Variants in OR4C12 observed in about 807,000 individuals in gnomAD.
The protein encoded by OR4C12 is olfactory receptor family 4 subfamily C member 12.
OR4C12 carries 11 observed loss-of-function variants against 12.3 expected under a neutral mutation model. That is an observed-to-expected ratio of 0.89 (90% confidence interval 0.56 to 1.48). OR4C12 has a LOEUF of 1.48. Among genes scored for constraint, OR4C12 ranks in the 40% most tolerant of loss-of-function variants. The probability of loss-of-function intolerance (pLI) is 0.00; values close to 1 mark genes in which losing one functional copy is unlikely to be tolerated. For synonymous variants in OR4C12, 138 were observed against 133.2 expected (o/e 1.04, Z -0.25); for missense variants, 414 against 365.8 (o/e 1.13, Z -1.08).
rs1450989580 is a variant in OR4C12 at position 49,981,909 on chromosome 11, G to T, written c.593C>A (p.Ala198Asp). Residue 198 changes from alanine to aspartate, a missense_variant, in exon 1 of 1, where the codon GCT becomes GAT. By Grantham distance (126) the Ala-to-Asp change is moderately radical. Transcript: ENST00000335238. ...TAAGCAGATAAACCCACTGTTCACA[G>T]CAACAAAGAGACCAAGGGTATGAGT... ...IDTHTLGLFV[A>D]VNSGFICLLN... 6.2e-7 allele frequency: 1 copy of T among 1,613,784 alleles called. No homozygotes were observed. Among genetic ancestry groups the T allele is most frequent in the Non-Finnish European group, 8.5e-7 (1 of 1,179,892 alleles).
Position 49,982,012 on chromosome 11 carries a change from G to T in OR4C12, c.490C>A (p.Leu164Met). The T allele has an allele frequency of 6.2e-7, 1 of 1,614,152 alleles. No homozygotes were observed. Among genetic ancestry groups the T allele is most frequent in the Non-Finnish European group, 8.5e-7 (1 of 1,179,998 alleles). Residue 164 changes from leucine (L) to methionine (M), a missense_variant, in exon 1 of 1, where the codon CTG (leucine) becomes ATG (methionine). Physicochemically the swap from Leu to Met is conservative, Grantham distance 15 (BLOSUM62 2). Transcript: ENST00000335238. ...ATGACATTGGGGCCACAGAAGGGCA[G>T]CCATACTGTAAAGAGAATCTGAATA... ...ATIQILFTVW[L>M]PFCGPNVIGH...
Position 49,981,606 on chromosome 11 carries a change from A to G in OR4C12, c.896T>C (p.Leu299Pro), listed in dbSNP as rs1555020013. 6.2e-7 allele frequency: 1 copy of G among 1,611,150 alleles called. No homozygotes were observed. Among genetic ancestry groups the G allele is most frequent in the Admixed American group, 1.7e-5 (1 of 59,404 alleles). ...ATCTGAAGTCACTTTTTTTCTCCAAAGCTTCCTTATTGCACTTTTTACCTC... is the reference window on the plus strand; with the variant it reads ...ATCTGAAGTCACTTTTTTTCTCCAAGGCTTCCTTATTGCACTTTTTACCTC... The part of the protein sequence containing the change: ...NAEVKSAIRK[L>P]WRKKVTSDND Residue 299 changes from leucine to proline, a missense_variant, in exon 1 of 1, where the codon CTT (leucine) becomes CCT (proline). Physicochemically the swap from Leu to Pro is moderately conservative, Grantham distance 98 (BLOSUM62 -3). Transcript: ENST00000335238.
At position 49,982,039 on chromosome 11, in the gene OR4C12, T is replaced by G. The variant is rs782149261; in HGVS notation, c.463A>C (p.Thr155Pro). 3 of 1,614,140 alleles carry G rather than the reference T, an allele frequency of 1.9e-6. No individual in the cohort carries two copies. The Admixed American group carries it at 5.0e-5, about 27-fold the overall frequency. The stretch of plus-strand genomic sequence containing the variant: ...CATACTGTAAAGAGAATCTGAATAG[T>G]TGCATGAAGAAATCCTCCCACCCAG... ...VAWVGGFLHA[T>P]IQILFTVWLP... Residue 155 changes from threonine to proline, a missense_variant, in exon 1 of 1, where the codon ACT becomes CCT. By Grantham distance (38) the Thr-to-Pro change is conservative. Coordinates refer to ENST00000335238, the MANE Select transcript of OR4C12 (RefSeq NM_001005270.4).
Position 49,982,517 on chromosome 11 carries a change from G to A in OR4C12, c.-16C>T, listed in dbSNP as rs1565198670. On this transcript the variant is annotated 5_prime_UTR_variant, in exon 1 of 1. Transcript: ENST00000335238. ...TCTTCTCCATCTATGTAGTGTGGGT[G>A]ATAAAACCTCCAGGAAGGAATATTT... 1.4e-6 allele frequency: 2 copies of A among 1,408,706 alleles called. No individual in the cohort carries two copies. The highest frequency in any genetic ancestry group is 2.0e-6 in the Non-Finnish European group (2 of 1,016,914). The allele number at this position is 1,408,706 out of a possible 1,614,324, so 87.3% of individuals were successfully genotyped here.
rs782006548 is a variant in OR4C12 at position 49,981,769 on chromosome 11, C to G, written c.733G>C (p.Val245Leu). The G allele has an allele frequency of 6.2e-7, 1 of 1,613,824 alleles. No individual in the cohort carries two copies. The highest frequency in any genetic ancestry group is 1.7e-5 in the Admixed American group (1 of 59,972). ...ATACAGGGCACAAAGAATAAGACAA[C>G]TACTATGATGTGAGAAATACAGGTG... Reference protein sequence around the residue: ...LSTCISHIIVVVLFFVPCIFV... With the variant: ...LSTCISHIIVLVLFFVPCIFV... The change falls in exon 1 of 1, where the codon GTT becomes CTT. Residue 245 changes from valine to leucine, a missense_variant. By Grantham distance (32) the Val-to-Leu change is conservative. Coordinates refer to ENST00000335238, the MANE Select transcript of OR4C12 (RefSeq NM_001005270.4).
Position 49,982,426 on chromosome 11 carries a change from A to T in OR4C12, c.76T>A (p.Phe26Ile). Residue 26 changes from phenylalanine (F) to isoleucine (I), a missense_variant, in exon 1 of 1, where the codon TTT becomes ATT. Coordinates refer to ENST00000335238, the MANE Select transcript of OR4C12 (RefSeq NM_001005270.4). ...TQNPIMEKVTFVVFLVLYMIT... is the reference protein window; with the variant it reads ...TQNPIMEKVTIVVFLVLYMIT... The stretch of plus-strand genomic sequence containing the variant: ...ATGTAAAGAACCAAAAATACTACAA[A>T]CGTGACTTTCTCCATTATGGGGTTC... 6.2e-7 allele frequency: 1 copy of T among 1,613,406 alleles called. No homozygotes were observed. Among genetic ancestry groups the T allele is most frequent in the Non-Finnish European group, 8.5e-7 (1 of 1,179,440 alleles).
chr11:49,982,315 G>A lies in OR4C12; in HGVS notation c.187C>T (p.His63Tyr). 1 of 1,613,996 alleles carries A rather than the reference G, an allele frequency of 6.2e-7. No homozygotes were observed. The highest frequency in any genetic ancestry group is 8.5e-7 in the Non-Finnish European group (1 of 1,179,910). The part of the protein sequence containing the change: ...LSSPMYFFLT[H>Y]LSLIDTVYSS... ...TAAACTGTGTCTATCAAAGAAAGGTGGGTCAGGAAGAAGTACATGGGGGAG... is the reference window on the plus strand; with the variant it reads ...TAAACTGTGTCTATCAAAGAAAGGTAGGTCAGGAAGAAGTACATGGGGGAG... The change falls in exon 1 of 1, where the codon CAC (histidine) becomes TAC (tyrosine). Residue 63 changes from histidine (H) to tyrosine (Y), a missense_variant. His to Tyr is a moderately conservative substitution (Grantham distance 83). Transcript: ENST00000335238.
rs4598671 is a variant in OR4C12, at chr11:49,981,655, C to T, written c.847G>A (p.Val283Met). ...YTMVVPMLNP[V>M]VYTLRNAEVK... ...TCAGCATTTCTGAGTGTGTAGACCA[C>T]GGGATTTAACATTGGGACCACCATA... Residue 283 changes from valine (V) to methionine (M), a missense_variant, in exon 1 of 1, where the codon GTG becomes ATG. Physicochemically the swap from Val to Met is conservative, Grantham distance 21. Coordinates refer to ENST00000335238, the MANE Select transcript of OR4C12 (RefSeq NM_001005270.4). The T allele has an allele frequency of 5.8e-5, 94 of 1,613,340 alleles. No homozygotes were observed. Among genetic ancestry groups the T allele is most frequent in the African/African-American group, 1.5e-4 (11 of 74,752 alleles).
chr11:49,981,937 C>T lies in OR4C12; in HGVS notation c.565G>A (p.Asp189Asn). 1 of 1,614,022 alleles carries T rather than the reference C, an allele frequency of 6.2e-7. No homozygotes were observed. Among genetic ancestry groups the T allele is most frequent in the South Asian group, 1.1e-5 (1 of 91,068 alleles). The change falls in exon 1 of 1, where the codon GAC becomes AAC. Residue 189 changes from aspartate to asparagine, a missense_variant. Coordinates refer to ENST00000335238, the MANE Select transcript of OR4C12 (RefSeq NM_001005270.4). ...ACAAAGAGACCAAGGGTATGAGTGT[C>T]TATGCAAACAAGTTTTAACAATGGG... ...LYPLLKLVCI[D>N]THTLGLFVAV...
Position 49,982,246 on chromosome 11 carries a change from C to T in OR4C12, c.256G>A (p.Glu86Lys), listed in dbSNP as rs1555020286. The T allele has an allele frequency of 6.2e-7, 1 of 1,614,066 alleles. No homozygotes were observed. Among genetic ancestry groups the T allele is most frequent in the South Asian group, 1.1e-5 (1 of 91,072 alleles). Reference protein sequence around the residue: ...APKLIVDSFQEKKIISFNGCM... With the variant: ...APKLIVDSFQKKKIISFNGCM... ...CCATTAAAGGAGATGATTTTCTTCT[C>T]TTGAAAGGAATCCACAATCAACTTA... Residue 86 changes from glutamate to lysine, a missense_variant, in exon 1 of 1, where the codon GAG becomes AAG. Glu to Lys is a moderately conservative substitution (Grantham distance 56). Coordinates refer to ENST00000335238, the MANE Select transcript of OR4C12 (RefSeq NM_001005270.4).
chr11:49,981,739 C>T lies in OR4C12; in HGVS notation c.763G>A (p.Val255Met), dbSNP rs1555020063. The change falls in exon 1 of 1, where the codon GTG (valine) becomes ATG (methionine). Residue 255 changes from valine (V) to methionine (M), a missense_variant. Coordinates refer to ENST00000335238, the MANE Select transcript of OR4C12 (RefSeq NM_001005270.4). ...AGAGTGGTCACTGAGCGCAGATACA[C>T]AAATATACAGGGCACAAAGAATAAG... is the stretch of plus-strand genomic sequence containing the variant. The part of the protein sequence containing the change: ...VVLFFVPCIF[V>M]YLRSVTTLPI... 1 of 1,613,926 alleles carries T rather than the reference C, an allele frequency of 6.2e-7. No homozygotes were observed. Among genetic ancestry groups the T allele is most frequent in the East Asian group, 2.2e-5 (1 of 44,874 alleles).
Position 49,982,025 on chromosome 11 carries a change from G to A in OR4C12, c.477C>T (p.Leu159=), listed in dbSNP as rs782705303. The A allele has an allele frequency of 9.3e-6, 15 of 1,614,032 alleles. No individual in the cohort carries two copies. In the East Asian group the frequency reaches 3.3e-4, roughly 36 times the overall value. ...CACAGAAGGGCAGCCATACTGTAAA[G>A]AGAATCTGAATAGTTGCATGAAGAA... ...GGFLHATIQI[L]FTVWLPFCGP... Residue 159 remains leucine (L), a synonymous_variant, in exon 1 of 1, where the codon CTC becomes CTT. Coordinates refer to ENST00000335238, the MANE Select transcript of OR4C12 (RefSeq NM_001005270.4).
In OR4C12 at chr11:49,981,934, T is replaced by C; in HGVS notation, c.568A>G (p.Thr190Ala). 2 of 1,613,520 alleles carry C rather than the reference T, an allele frequency of 1.2e-6. No individual in the cohort carries two copies. The highest frequency in any genetic ancestry group is 1.7e-6 in the Non-Finnish European group (2 of 1,179,878). ...GCAACAAAGAGACCAAGGGTATGAG[T>C]GTCTATGCAAACAAGTTTTAACAAT... ...YPLLKLVCIDTHTLGLFVAVN... is the reference protein window; with the variant it reads ...YPLLKLVCIDAHTLGLFVAVN... The change falls in exon 1 of 1, where the codon ACT becomes GCT. Residue 190 changes from threonine to alanine, a missense_variant. Transcript: ENST00000335238.
rs782267613 is a variant in OR4C12, at chr11:49,982,090, G to C, written c.412C>G (p.Leu138Val). ...LNYTTIMSHSLCILLVAVAWV... is the reference protein window; with the variant it reads ...LNYTTIMSHSVCILLVAVAWV... ...GCCACTGCCACCAGGAGAATGCACA[G>C]GCTGTGGCTCATAATGGTTGTGTAG... is the stretch of plus-strand genomic sequence containing the variant. The change falls in exon 1 of 1, where the codon CTG (leucine) becomes GTG (valine). Residue 138 changes from leucine (L) to valine (V), a missense_variant. Coordinates refer to ENST00000335238, the MANE Select transcript of OR4C12 (RefSeq NM_001005270.4). The C allele has an allele frequency of 6.2e-7, 1 of 1,614,084 alleles. No homozygotes were observed. Among genetic ancestry groups the C allele is most frequent in the African/African-American group, 1.3e-5 (1 of 74,940 alleles).
rs782821120 is a variant in OR4C12, at chr11:49,981,708, A to G, written c.794T>C (p.Ile265Thr). 92 of 1,613,656 alleles carry G rather than the reference A, an allele frequency of 5.7e-5. No homozygotes were observed. The highest frequency in any genetic ancestry group is 7.5e-5 in the Non-Finnish European group (88 of 1,179,770). ...ATAAAATACAGCAACAGCTTTATCA[A>G]TGGGCAGAGTGGTCACTGAGCGCAG... ...VYLRSVTTLP[I>T]DKAVAVFYTM... Residue 265 changes from isoleucine to threonine, a missense_variant, in exon 1 of 1, where the codon ATT becomes ACT. Physicochemically the swap from Ile to Thr is moderately conservative, Grantham distance 89. Coordinates refer to ENST00000335238, the MANE Select transcript of OR4C12 (RefSeq NM_001005270.4).
At position 49,982,168 on chromosome 11, in the gene OR4C12, G is replaced by A; in HGVS notation, c.334C>T (p.Leu112=). The change falls in exon 1 of 1, where the codon CTG becomes TTG. Residue 112 remains leucine (L), a synonymous_variant. Coordinates refer to ENST00000335238, the MANE Select transcript of OR4C12 (RefSeq NM_001005270.4). ...EHIFGATEII[L]LTVMACDCYV... ...CAGTCACAGGCCATCACTGTCAGCA[G>A]GATGATCTCAGTAGCACCAAAAATG... is the stretch of plus-strand genomic sequence containing the variant. 6.2e-7 allele frequency: 1 copy of A among 1,614,024 alleles called. No homozygotes were observed. Among genetic ancestry groups the A allele is most frequent in the Non-Finnish European group, 8.5e-7 (1 of 1,179,890 alleles).
Position 49,982,088 on chromosome 11 carries a change from C to T in OR4C12, c.414G>A (p.Leu138=). The T allele has an allele frequency of 6.2e-7, 1 of 1,614,196 alleles. No individual in the cohort carries two copies. ...LNYTTIMSHS[L]CILLVAVAWV... is the part of the protein sequence containing the mutation. ...AGGCCACTGCCACCAGGAGAATGCACAGGCTGTGGCTCATAATGGTTGTGT... is the reference window on the plus strand; with the variant it reads ...AGGCCACTGCCACCAGGAGAATGCATAGGCTGTGGCTCATAATGGTTGTGT... Residue 138 remains leucine (L), a synonymous_variant, in exon 1 of 1, where the codon CTG becomes CTA. Transcript: ENST00000335238.
At position 49,981,664 on chromosome 11, in the gene OR4C12, A is replaced by T. The variant is rs782241531; in HGVS notation, c.838T>A (p.Leu280Ile). The T allele has an allele frequency of 6.2e-7, 1 of 1,613,802 alleles. No homozygotes were observed. The highest frequency in any genetic ancestry group is 2.2e-5 in the East Asian group (1 of 44,868). The stretch of plus-strand genomic sequence containing the variant: ...CTGAGTGTGTAGACCACGGGATTTA[A>T]CATTGGGACCACCATAGTATAAAAT... ...AVFYTMVVPMLNPVVYTLRNA... is the reference protein window; with the variant it reads ...AVFYTMVVPMINPVVYTLRNA... The change falls in exon 1 of 1, where the codon TTA (leucine) becomes ATA (isoleucine). Residue 280 changes from leucine (L) to isoleucine (I), a missense_variant. Leu to Ile is a conservative substitution (Grantham distance 5, BLOSUM62 2). Transcript: ENST00000335238.
Position 49,982,161 on chromosome 11 carries a change from G to C in OR4C12, c.341C>G (p.Thr114Arg). Residue 114 changes from threonine to arginine, a missense_variant, in exon 1 of 1, where the codon ACA (threonine) becomes AGA (arginine). Thr to Arg is a moderately conservative substitution (Grantham distance 71). Coordinates refer to ENST00000335238, the MANE Select transcript of OR4C12 (RefSeq NM_001005270.4). ...CACATAGCAGTCACAGGCCATCACT[G>C]TCAGCAGGATGATCTCAGTAGCACC... is the stretch of plus-strand genomic sequence containing the variant. Reference protein sequence around the residue: ...IFGATEIILLTVMACDCYVAI... With the variant: ...IFGATEIILLRVMACDCYVAI... 2 of 1,614,032 alleles carry C rather than the reference G, an allele frequency of 1.2e-6. No homozygotes were observed. The highest frequency in any genetic ancestry group is 2.2e-5 in the East Asian group (1 of 44,882).
Sources: gnomAD v4.1 joint callset for allele counts on GRCh38, gnomAD v4.1.1 for gene constraint, MANE v1.5 for transcripts, NCBI Gene and HGNC (gene_info 2026-07-23, HGNC 2026-07-21) for gene names.